INSL6: variants seen among roughly 807,000 people sequenced by gnomAD.
INSL6 encodes the protein insulin-like peptide INSL6.
A neutral mutation model predicts 9.4 loss-of-function variants in INSL6; 16 were observed. That is an observed-to-expected ratio of 1.70 (90% CI 1.15 to 2.59). The LOEUF (loss-of-function observed/expected upper bound fraction) is 2.59, where lower values mean the gene tolerates loss of function less well. Ranked by LOEUF, INSL6 falls within the 30% of genes most tolerant of loss-of-function variation. INSL6 has a pLI of 0.00. For synonymous variants in INSL6, 154 were observed against 96.9 expected (o/e 1.59, Z -3.46); for missense variants, 391 against 257.3 (o/e 1.52, Z -3.56).
the INSL6 span, chr9:5,094,693 T>A: frequency 6.6e-6 from 1 of 152,188 alleles, no homozygotes; most frequent in South Asian, 2.1e-4. Flanking sequence ...TCAGAACTAG[T>A]TTCAGGCTTC....
At chr9:5,131,463 G>GTTTTTTTTTTTTTTTTTTTT (rs1824283095) in intron 3 of INSL6, among the ~76,000 whole-genome samples, 1 of 82,910 alleles carries the variant, frequency 1.2e-5, no homozygotes, top group African/African-American at 8.9e-5. Context: ...TTGAGACAGA[G>GTTTTTTTTTTTTTTTTTTTT]TTTTGCTCTT....
the INSL6 span, chr9:5,082,000 A>G: frequency 1.4e-6 from 1 of 701,610 alleles, no homozygotes; most frequent in Non-Finnish European, 2.4e-6. Context: ...GATGTTGGAG[A>G]AATGCTGTGT....
rs528903055 is a variant in INSL6, at chr9:5,156,479, C to G, written c.376+7700G>C. 2.6e-5 allele frequency among the ~76,000 whole-genome samples: 4 copies of G among 152,174 alleles called. No homozygotes were observed. In the East Asian group the frequency reaches 7.7e-4, roughly 29 times the overall value. ...AATGATCAGAATAAAGAAGAAAGCCCCCTACAGGGATTTCCATATATGCAG... is the reference window on the plus strand; with the variant it reads ...AATGATCAGAATAAAGAAGAAAGCCGCCTACAGGGATTTCCATATATGCAG... On this transcript the variant is annotated intron_variant, in intron 2 of 3. Coordinates refer to the INSL6 transcript ENST00000649639.
the INSL6 span, among the ~76,000 whole-genome samples, chr9:5,017,453 T>C: frequency 6.6e-6 from 1 of 152,254 alleles, no homozygotes; most frequent in Non-Finnish European, 1.5e-5. Context: ...GATTTGTTAA[T>C]CTTTTCCATC....
At chr9:5,016,215 C>G in the INSL6 span, among the ~76,000 whole-genome samples, 2 of 152,184 alleles carry the variant, frequency 1.3e-5, no homozygotes, top group African/African-American at 4.8e-5. Context: ...TTAGGAACTT[C>G]AGGATGAAGT....
At chr9:5,070,619 T>C in the INSL6 span, among the ~76,000 whole-genome samples, 1 of 152,136 alleles carries the variant, frequency 6.6e-6, no homozygotes, top group South Asian at 2.1e-4. Flanking sequence ...ACTTGCTGTG[T>C]CACCCAGGCT....
chr9:4,998,763 C>G, the INSL6 span, among the ~76,000 whole-genome samples: 2 of 151,588 alleles, frequency 1.3e-5, no homozygotes, highest in Admixed American at 6.6e-5. Flanking sequence ...CAACAAAAAA[C>G]CAAAACCAGA....
the INSL6 span, among the ~76,000 whole-genome samples, chr9:5,020,309 G>A: frequency 1.2e-4 from 19 of 152,246 alleles, no homozygotes; most frequent in South Asian, 2.1e-3. Flanking sequence ...GACACTGGAC[G>A]TGGACAAACT....
chr9:5,007,188 A>G, the INSL6 span, among the ~76,000 whole-genome samples: 1 of 152,080 alleles, frequency 6.6e-6, no homozygotes, highest in Non-Finnish European at 1.5e-5. Flanking sequence ...CTTGAAATGA[A>G]AATTTATTTA....
At chr9:4,998,404 GCA>G in the INSL6 span, among the ~76,000 whole-genome samples, 1 of 151,958 alleles carries the variant, frequency 6.6e-6, no homozygotes, top group Non-Finnish European at 1.5e-5. Context: ...TTATAGGCGC[GCA>G]CCACCACGCC....
At chr9:5,020,244 G>A in the INSL6 span, among the ~76,000 whole-genome samples, 4 of 152,172 alleles carry the variant, frequency 2.6e-5, no homozygotes, top group African/African-American at 9.7e-5. Context: ...AGCTGTGGTG[G>A]TAGTGGCAGG....
At chr9:5,074,028 G>C in the INSL6 span, among the ~76,000 whole-genome samples, 1 of 152,136 alleles carries the variant, frequency 6.6e-6, no homozygotes, top group Non-Finnish European at 1.5e-5. Context: ...GTAAACAAAT[G>C]TCTATAAAAC....
the INSL6 span, chr9:5,114,711 T>C: frequency 4.1e-5 from 16 of 388,318 alleles, no homozygotes; most frequent in South Asian, 3.3e-4. Context: ...CAGGGCTGAA[T>C]GGGAACAGAA....
At chr9:4,992,810 G>C in the INSL6 span, among the ~76,000 whole-genome samples, 36 of 152,194 alleles carry the variant, frequency 2.4e-4, no homozygotes, top group Admixed American at 2.4e-3. Flanking sequence ...AGCATGCAAG[G>C]TAGGCACAGT....
At chr9:5,072,613 G>T in the INSL6 span, 1 of 1,605,366 alleles carries the variant, frequency 6.2e-7, no homozygotes, top group South Asian at 1.1e-5. Context: ...AAAGCACACA[G>T]AAACTATTCA....
downstream of INSL6, among the ~76,000 whole-genome samples, chr9:5,119,505 C>A (rs899048877): frequency 4.6e-5 from 7 of 151,552 alleles, no homozygotes; most frequent in Non-Finnish European, 1.0e-4. Context: ...ATCATGAGGG[C>A]AGTCAGGATA....
chr9:5,060,319 T>C, the INSL6 span, among the ~76,000 whole-genome samples: 1 of 152,190 alleles, frequency 6.6e-6, no homozygotes, highest in South Asian at 2.1e-4. Flanking sequence ...ACTGCATCAG[T>C]AGACTCTTCA....
chr9:5,031,377 A>T, the INSL6 span, among the ~76,000 whole-genome samples: 1 of 152,218 alleles, frequency 6.6e-6, no homozygotes, highest in Admixed American at 6.5e-5. Flanking sequence ...AAACTAAATA[A>T]TGAGAATGAT....
At chr9:5,066,574 A>G in the INSL6 span, 1 of 686,212 alleles carries the variant, frequency 1.5e-6, no homozygotes, top group East Asian at 2.8e-5. Context: ...AGAGGAGACA[A>G]TTCTGACAGT....
Sources: gnomAD v4.1 joint callset for allele counts (sites outside exome capture counted in the v4.1 genomes callset) on GRCh38, gnomAD v4.1.1 for gene constraint, MANE v1.5 for transcripts, NCBI Gene and HGNC (gene_info 2026-07-23, HGNC 2026-07-21) for gene names.